GIMAP8: variants seen among roughly 807,000 people sequenced by gnomAD.
GIMAP8 encodes GTPase, IMAP family member 8, also known as GTPase IMAP family member 8.
GIMAP8 carries 29 observed loss-of-function variants against 35.6 expected under a neutral mutation model. The ratio of observed to expected loss-of-function variants is 0.81; its 90% CI spans 0.61 to 1.11. The LOEUF is 1.11. Ranked by LOEUF, GIMAP8 falls within the 50% of genes most tolerant of loss-of-function variation. The pLI is 0.00. For missense variants in GIMAP8, 811 were observed against 805.0 expected (o/e 1.01, Z -0.09); for synonymous variants, 335 against 308.7 (o/e 1.09, Z -0.89).
chr7:150,476,443 T>C (rs1431020333), intron 4 of GIMAP8, among the ~76,000 whole-genome samples: 1 of 152,230 alleles, frequency 6.6e-6, no homozygotes, highest in Non-Finnish European at 1.5e-5. Flanking sequence ...CCAACAGTGT[T>C]AGTGGATATT....
intron 1 of GIMAP8, among the ~76,000 whole-genome samples, chr7:150,465,793 G>A (rs1801943765): frequency 6.6e-6 from 1 of 152,214 alleles, no homozygotes. Flanking sequence ...AATCCAAGCA[G>A]CACTATCTAT....
chr7:150,460,415 C>T (rs1333070006), intron 1 of GIMAP8, among the ~76,000 whole-genome samples: 1 of 152,326 alleles, frequency 6.6e-6, no homozygotes, highest in East Asian at 1.9e-4. Flanking sequence ...CTTCTAGGTC[C>T]TTGACCATCC....
intron 1 of GIMAP8, among the ~76,000 whole-genome samples, chr7:150,465,055 C>T (rs1801922717): frequency 6.6e-6 from 1 of 152,120 alleles, no homozygotes; most frequent in African/African-American, 2.4e-5. Flanking sequence ...GCATCTATGC[C>T]TTTTATTTGT....
At chr7:150,456,507 G>A (rs1187137347) in intron 1 of GIMAP8, among the ~76,000 whole-genome samples, 1 of 152,030 alleles carries the variant, frequency 6.6e-6, no homozygotes, top group East Asian at 1.9e-4. Flanking sequence ...TGACTTTCCT[G>A]CATCCCTGTT....
chr7:150,462,367 G>A (rs1439488277), intron 1 of GIMAP8, among the ~76,000 whole-genome samples: 2 of 152,124 alleles, frequency 1.3e-5, no homozygotes, highest in Non-Finnish European at 2.9e-5. Context: ...TTGAAATTTG[G>A]TGGTTTTCTA....
Position 150,478,554 on chromosome 7 carries a change from G to C in GIMAP8, c.*774G>C, listed in dbSNP as rs1436763181. 6.6e-6 allele frequency: 1 copy of C among 152,168 alleles called. No homozygotes were observed. Among genetic ancestry groups the C allele is most frequent in the Admixed American group, 6.5e-5 (1 of 15,284 alleles). 9.4% of individuals were successfully genotyped at this position (152,168 alleles called of 1,614,324 possible). A position where few individuals can be genotyped will look rare whatever the true frequency, so the allele number is the denominator to read the frequency against. On this transcript the variant is annotated 3_prime_UTR_variant, in exon 5 of 5. Transcript: ENST00000307271. Reference sequence around the variant, plus strand: ...GCAAAGTTCTGTAATTCTAAGTGTTGTTCTAGATTTCCTCTAGAGAAGGTT... The same window carrying C: ...GCAAAGTTCTGTAATTCTAAGTGTTCTTCTAGATTTCCTCTAGAGAAGGTT...
At position 150,474,287 on chromosome 7, in the gene GIMAP8, A is replaced by T. The variant is rs2116616092; in HGVS notation, c.958A>T (p.Ile320Phe). The T allele has an allele frequency of 6.2e-7, 1 of 1,614,146 alleles. No homozygotes were observed. The highest frequency in any genetic ancestry group is 8.5e-7 in the Non-Finnish European group (1 of 1,179,980). ...CATTGACTCAGAAGTTAGAAAACAC[A>T]TCTGTACAGGCCCCCATGCCTTCCT... Reference protein sequence around the residue: ...KNIDSEVRKHICTGPHAFLLV... With the variant: ...KNIDSEVRKHFCTGPHAFLLV... The change falls in exon 4 of 5, where the codon ATC becomes TTC. Residue 320 changes from isoleucine to phenylalanine, a missense_variant. Coordinates refer to ENST00000307271, the MANE Select transcript of GIMAP8 (RefSeq NM_175571.4).
chr7:150,477,508 G>T lies in GIMAP8; in HGVS notation c.1726G>T (p.Glu576Ter). 6.2e-7 allele frequency: 1 copy of T among 1,614,048 alleles called. No homozygotes were observed. The highest frequency in any genetic ancestry group is 8.5e-7 in the Non-Finnish European group (1 of 1,180,006). Reference sequence around the variant, plus strand: ...GGAAGACCTAGGGGCGGGGAATTTGGAAGACTTCATGAAGAACTCAGATAA... The same window carrying T: ...GGAAGACCTAGGGGCGGGGAATTTGTAAGACTTCATGAAGAACTCAGATAA... ...RKEDLGAGNL[E>*]DFMKNSDNKA... The change falls in exon 5 of 5, where the codon GAA becomes TAA. Residue 576 changes from glutamate (E) to a stop codon, truncating the protein, a stop_gained. Transcript: ENST00000307271. LOFTEE classifies it low-confidence loss of function (END_TRUNC).
intron 4 of GIMAP8, among the ~76,000 whole-genome samples, chr7:150,475,287 CAA>C: frequency 6.6e-6 from 1 of 152,088 alleles, no homozygotes; most frequent in East Asian, 1.9e-4. Context: ...TGAAATGAAA[CAA>C]AAAAGAAGTT....
rs923677753 is a variant in GIMAP8, at chr7:150,474,636, A to G, written c.1307A>G (p.Lys436Arg). 3.2e-6 allele frequency: 5 copies of G among 1,576,452 alleles called. No individual in the cohort carries two copies. In the African/African-American group the frequency reaches 6.9e-5, roughly 22 times the overall value. The change falls in exon 4 of 5, where the codon AAA becomes AGA. Residue 436 changes from lysine (K) to arginine (R), a missense_variant and splice_region_variant. Coordinates refer to ENST00000307271, the MANE Select transcript of GIMAP8 (RefSeq NM_175571.4). ...AACAAGCATTGTGTTTTCAGAGAAA[A>G]AGGTAAAACTGTGAATAGGATATAT... Reference protein sequence around the residue: ...NGNKHCVFREKETLNIVLVGR... With the variant: ...NGNKHCVFRERETLNIVLVGR...
intron 2 of GIMAP8, among the ~76,000 whole-genome samples, chr7:150,470,358 A>G (rs1802060330): frequency 6.6e-6 from 1 of 151,950 alleles, no homozygotes; most frequent in Non-Finnish European, 1.5e-5. Flanking sequence ...CTGTTTTTTC[A>G]CCTCCTTTCT....
chr7:150,469,234 T>A (rs1802036790), intron 2 of GIMAP8, among the ~76,000 whole-genome samples: 1 of 152,148 alleles, frequency 6.6e-6, no homozygotes, highest in Non-Finnish European at 1.5e-5. Context: ...ACACTTGCTC[T>A]CCCCCATCCC....
At position 150,466,922 on chromosome 7, in the gene GIMAP8, G is replaced by T; in HGVS notation, c.224G>T (p.Cys75Phe). Residue 75 changes from cysteine to phenylalanine, a missense_variant, in exon 2 of 5, where the codon TGT becomes TTT. Coordinates refer to ENST00000307271, the MANE Select transcript of GIMAP8 (RefSeq NM_175571.4). ...DTPDLFSSIACAEDKQRNIQH... is the reference protein window; with the variant it reads ...DTPDLFSSIAFAEDKQRNIQH... Reference sequence around the variant, plus strand: ...CCTGACCTTTTCTCCTCAATAGCTTGTGCTGAAGACAAGCAACGCAACATC... The same window carrying T: ...CCTGACCTTTTCTCCTCAATAGCTTTTGCTGAAGACAAGCAACGCAACATC... 1 of 1,614,222 alleles carries T rather than the reference G, an allele frequency of 6.2e-7. No individual in the cohort carries two copies. The highest frequency in any genetic ancestry group is 8.5e-7 in the Non-Finnish European group (1 of 1,180,036).
chr7:150,462,582 TCATTTCTGAAGGATAGTGTTGCTG>T (rs1463079203), intron 1 of GIMAP8, among the ~76,000 whole-genome samples: 5 of 152,226 alleles, frequency 3.3e-5, no homozygotes, highest in Non-Finnish European at 7.3e-5. Flanking sequence ...TATTTCTTCC[TCATTTCTGAAGGATAGTGTTGCTG>T]TGTATAGTAT....
Position 150,467,058 on chromosome 7 carries a change from G to A in GIMAP8, c.360G>A (p.Val120=). The A allele has an allele frequency of 6.2e-7, 1 of 1,614,222 alleles. No individual in the cohort carries two copies. Among genetic ancestry groups the A allele is most frequent in the Non-Finnish European group, 8.5e-7 (1 of 1,180,036 alleles). ...AAACAGCCAAGGGCATCCAACAAGT[G>A]TTTGGAGCTGAAGCCAGGAGGCACA... ...DEETAKGIQQ[V]FGAEARRHII... The change falls in exon 2 of 5, where the codon GTG becomes GTA. Residue 120 remains valine (V), a synonymous_variant. Transcript: ENST00000307271.
chr7:150,479,095 A>G lies in GIMAP8; in HGVS notation c.*1315A>G, dbSNP rs1455090969. ...TTGGATTCCATATAACCCTTAACAC[A>G]ATAACTTCTAGAAAATGTGTGTGCC... On this transcript the variant is annotated 3_prime_UTR_variant, in exon 5 of 5. Coordinates refer to ENST00000307271, the MANE Select transcript of GIMAP8 (RefSeq NM_175571.4). The G allele has an allele frequency of 6.6e-6, 1 of 152,216 alleles. No individual in the cohort carries two copies. The highest frequency in any genetic ancestry group is 2.4e-5 in the African/African-American group (1 of 41,452). The allele number at this position is 152,216 out of a possible 1,614,324, so 9.4% of individuals were successfully genotyped here. A position where few individuals can be genotyped will look rare whatever the true frequency, so the allele number is the denominator to read the frequency against.
At chr7:150,473,560 T>C (rs1254377971) in intron 3 of GIMAP8, among the ~76,000 whole-genome samples, 3 of 150,170 alleles carry the variant, frequency 2.0e-5, no homozygotes, top group Non-Finnish European at 4.4e-5. Context: ...TTGAGATCCA[T>C]CTATACTGCA....
chr7:150,453,940 T>G (rs887755455), intron 1 of GIMAP8, among the ~76,000 whole-genome samples: 2 of 145,776 alleles, frequency 1.4e-5, no homozygotes, highest in African/African-American at 2.6e-5. Context: ...GGGGTGGGGG[T>G]GTCAGTGGGG....
intron 1 of GIMAP8, among the ~76,000 whole-genome samples, chr7:150,456,431 T>A (rs141786888): frequency 8.5e-5 from 13 of 152,190 alleles, no homozygotes; most frequent in Non-Finnish European, 1.8e-4. Context: ...AAGCTAGCAA[T>A]GTGGCATCTT....
Sources: allele counts gnomAD v4.1 joint callset (sites outside exome capture counted in the v4.1 genomes callset), GRCh38; gene constraint gnomAD v4.1.1; transcripts MANE v1.5; gene names NCBI Gene and HGNC (gene_info 2026-07-23, HGNC 2026-07-21).